The following TNFRSF14 variants were observed in gnomAD, a reference collection of about 807,000 sequenced individuals.
The protein encoded by TNFRSF14 is tumor necrosis factor receptor superfamily member 14.
A neutral mutation model predicts 34.1 loss-of-function variants in TNFRSF14; 18 were observed. The observed-to-expected ratio is 0.53, with a 90% CI of 0.36 to 0.78. The LOEUF is 0.78. Ranked by LOEUF, TNFRSF14 falls within the 30% of genes least tolerant of loss-of-function variation. TNFRSF14 has a pLI of 0.00. For synonymous variants in TNFRSF14, 157 were observed against 153.2 expected (o/e 1.02, Z -0.18); for missense variants, 352 against 379.5 (o/e 0.93, Z 0.60).
chr1:2,561,310 T>C lies in TNFRSF14; in HGVS notation c.552-363T>C, dbSNP rs1192437540. 3.3e-6 allele frequency: 2 copies of C among 606,974 alleles called. No homozygotes were observed. Among genetic ancestry groups the C allele is most frequent in the East Asian group, 5.6e-5 (2 of 35,434 alleles). The allele number at this position is 606,974 out of a possible 1,614,324, so 37.6% of individuals were successfully genotyped here. A position where few individuals can be genotyped will look rare whatever the true frequency, so the allele number is the denominator to read the frequency against. ...TGTCCATCTCCAGCTCTAACCATTT[T>C]TGTCCCGACACTGGCTCTCCCTCTA... is the stretch of plus-strand genomic sequence containing the variant. On this transcript the variant is annotated intron_variant, in intron 5 of 7. Coordinates refer to ENST00000355716, the MANE Select transcript of TNFRSF14 (RefSeq NM_003820.4). This position sits in a 1 kb window ranked among gnomAD's most constrained non-coding sequence, Gnocchi z 6.0.
chr1:2,554,988 AC>A (rs1021074722), upstream of TNFRSF14: 4 of 151,910 alleles, frequency 2.6e-5, no homozygotes, highest in Admixed American at 6.6e-5. This position sits in a 1 kb window ranked among gnomAD's most constrained non-coding sequence, Gnocchi z 4.2. Flanking sequence ...TCCTTGCAAG[AC>A]CCACATGGCT....
At chr1:2,557,856 G>T in intron 2 of TNFRSF14, 22 bp downstream of exon 2, 1 of 1,577,036 alleles carries the variant, frequency 6.3e-7, no homozygotes, top group Non-Finnish European at 8.7e-7. Flanking sequence ...CCTTTGGCGG[G>T]CCAGCTCTGT....
chr1:2,559,263 C>T (rs781668545), intron 3 of TNFRSF14: 3 of 1,367,982 alleles, frequency 2.2e-6, no homozygotes, highest in African/African-American at 2.9e-5. Flanking sequence ...AGTTCCATGC[C>T]CCTCCCCTCT....
rs759896022 is a variant in TNFRSF14 at position 2,559,854 on chromosome 1, C to T, written c.336C>T (p.Ser112=). 7 of 1,608,356 alleles carry T rather than the reference C, an allele frequency of 4.4e-6. No individual in the cohort carries two copies. The highest frequency in any genetic ancestry group is 1.3e-5 in the African/African-American group (1 of 74,884). The change falls in exon 4 of 8, where the codon TCC becomes TCT. Residue 112 remains serine (S), a synonymous_variant. Transcript: ENST00000355716. The part of the protein sequence containing the change: ...AMGLRASRNC[S]RTENAVCGCS... ...GCCTGCGCGCGAGCCGGAACTGCTCCAGGACAGAGAACGCCGTGTGTGGCT... is the reference window on the plus strand; with the variant it reads ...GCCTGCGCGCGAGCCGGAACTGCTCTAGGACAGAGAACGCCGTGTGTGGCT...
rs1464497694 is a variant in TNFRSF14 at position 2,560,481 on chromosome 1, C to T, written c.461-143C>T. ...CAGGCCCCACCTCCAAGACTCTGGACAGGGAGCCTGCCCCTCCCCGCTGGT... is the reference window on the plus strand; with the variant it reads ...CAGGCCCCACCTCCAAGACTCTGGATAGGGAGCCTGCCCCTCCCCGCTGGT... On this transcript the variant is annotated intron_variant, in intron 4 of 7. Coordinates refer to ENST00000355716, the MANE Select transcript of TNFRSF14 (RefSeq NM_003820.4). 4 of 624,554 alleles carry T rather than the reference C, an allele frequency of 6.4e-6. No individual in the cohort carries two copies. The Admixed American group carries it at 8.8e-5, about 14-fold the overall frequency. The allele number at this position is 624,554 out of a possible 1,614,324, so 38.7% of individuals were successfully genotyped here.
rs776125885 is a variant in TNFRSF14 at position 2,556,417 on chromosome 1, G to A, written c.-248G>A. ...TTTGCCTGGACAGCTCCTGCCTCCC[G>A]CAGGGCCCACCTGTGTCCCCCAGCG... is the stretch of plus-strand genomic sequence containing the variant. On this transcript the variant is annotated 5_prime_UTR_variant, in exon 1 of 8. Coordinates refer to ENST00000355716, the MANE Select transcript of TNFRSF14 (RefSeq NM_003820.4). The A allele has an allele frequency of 5.8e-6, 4 of 689,276 alleles. No individual in the cohort carries two copies. Among genetic ancestry groups the A allele is most frequent in the South Asian group, 1.5e-5 (1 of 66,612 alleles). 42.7% of individuals were successfully genotyped at this position (689,276 alleles called of 1,614,324 possible).
At position 2,556,738 on chromosome 1, in the gene TNFRSF14, GC is replaced by G; in HGVS notation, c.69+10del. 6.3e-7 allele frequency: 1 copy of G among 1,588,178 alleles called. No homozygotes were observed. Among genetic ancestry groups the G allele is most frequent in the Non-Finnish European group, 8.6e-7 (1 of 1,168,504 alleles). On this transcript the variant is annotated splice_donor_region_variant and intron_variant, in intron 1 of 7. Transcript: ENST00000355716. Reference sequence around the variant, plus strand: ...AAAACCGACGTCTTGAGGCTGGTGAGCCCCCGAGCCTCCTCTCCGTCTGCTC... The same window carrying G: ...AAAACCGACGTCTTGAGGCTGGTGAGCCCCGAGCCTCCTCTCCGTCTGCTC...
intron 3 of TNFRSF14, chr1:2,558,965 C>G: frequency 7.3e-7 from 1 of 1,366,470 alleles, no homozygotes; most frequent in Admixed American, 2.2e-5. Context: ...AAAGGGGAAC[C>G]AGACCCAGAG....
At position 2,556,629 on chromosome 1, in the gene TNFRSF14, A is replaced by T; in HGVS notation, c.-36A>T. 1.2e-6 allele frequency: 2 copies of T among 1,600,620 alleles called. No homozygotes were observed. The highest frequency in any genetic ancestry group is 1.7e-6 in the Non-Finnish European group (2 of 1,172,678). Reference sequence around the variant, plus strand: ...TTCCTCTGCTGGAGTTCATCCTGCTAGCTGGGTTCCCGAGCTGCCGGTCTG... The same window carrying T: ...TTCCTCTGCTGGAGTTCATCCTGCTTGCTGGGTTCCCGAGCTGCCGGTCTG... On this transcript the variant is annotated 5_prime_UTR_variant, in exon 1 of 8. Coordinates refer to ENST00000355716, the MANE Select transcript of TNFRSF14 (RefSeq NM_003820.4).
At position 2,563,394 on chromosome 1, in the gene TNFRSF14, C is replaced by T. The variant is rs1570595448; in HGVS notation, c.*121C>T. ...GGGGGCTCCGCCCTGGGCTGGCTTC[C>T]GTCTCCTCCAGTGGAGGGAGAGGTG... On this transcript the variant is annotated 3_prime_UTR_variant, in exon 8 of 8. Transcript: ENST00000355716. 15 of 1,498,732 alleles carry T rather than the reference C, an allele frequency of 1.0e-5. No individual in the cohort carries two copies. Among genetic ancestry groups the T allele is most frequent in the East Asian group, 4.6e-5 (2 of 43,822 alleles). The allele number at this position is 1,498,732 out of a possible 1,614,324, so 92.8% of individuals were successfully genotyped here.
chr1:2,557,662 C>G, intron 1 of TNFRSF14, 64 bp from the exon 2 acceptor site: 4 of 1,302,578 alleles, frequency 3.1e-6, no homozygotes, highest in Non-Finnish European at 4.2e-6. Flanking sequence ...GGCTGTGGGG[C>G]CAAGCCTGGC....
Position 2,563,441 on chromosome 1 carries a change from T to G in TNFRSF14, c.*168T>G. On this transcript the variant is annotated 3_prime_UTR_variant, in exon 8 of 8. Transcript: ENST00000355716. ...GGTGGGGCCCCTGCTGGGGTAGAGCTGGGGACGCCACGTGCCATTCCCATG... is the reference window on the plus strand; with the variant it reads ...GGTGGGGCCCCTGCTGGGGTAGAGCGGGGGACGCCACGTGCCATTCCCATG... The G allele has an allele frequency of 9.0e-7, 1 of 1,106,388 alleles. No homozygotes were observed. Among genetic ancestry groups the G allele is most frequent in the South Asian group, 1.6e-5 (1 of 62,414 alleles). 68.5% of individuals were successfully genotyped at this position (1,106,388 alleles called of 1,614,324 possible).
chr1:2,562,938 C>T (rs1039848543), intron 7 of TNFRSF14, 42 bp downstream of exon 7: 2 of 1,577,196 alleles, frequency 1.3e-6, no homozygotes, highest in Non-Finnish European at 8.7e-7. Context: ...CTCCACCTTC[C>T]CACCTCCCCT....
chr1:2,563,711 C>T lies in TNFRSF14; in HGVS notation c.*438C>T. ...CTGCAGTGTGGTGTTTAGTGGATAC[C>T]ACATCGGAAGTGATTTTCTAAATTG... is the stretch of plus-strand genomic sequence containing the variant. On this transcript the variant is annotated 3_prime_UTR_variant, in exon 8 of 8. Transcript: ENST00000355716. 4.1e-6 allele frequency: 1 copy of T among 246,872 alleles called. No homozygotes were observed. The highest frequency in any genetic ancestry group is 1.7e-4 in the South Asian group (1 of 6,000). The allele number at this position is 246,872 out of a possible 1,614,324, so 15.3% of individuals were successfully genotyped here.
At chr1:2,556,064 C>T (rs1644207132), upstream of TNFRSF14, 1 of 266,292 alleles carries the variant, frequency 3.8e-6, no homozygotes, top group African/African-American at 2.3e-5. Context: ...CCCACCCCCT[C>T]ACGCAGGGAC....
intron 3 of TNFRSF14, chr1:2,559,161 G>A: frequency 1.5e-6 from 2 of 1,365,400 alleles, no homozygotes; most frequent in Non-Finnish European, 1.9e-6. Flanking sequence ...AGGGCAGGTG[G>A]GCTAGCCATG....
At chr1:2,562,140 C>T (rs145979355) in intron 6 of TNFRSF14, 2 of 409,672 alleles carry the variant, frequency 4.9e-6, no homozygotes, top group Non-Finnish European at 8.8e-6. Context: ...GGGAGAAGCT[C>T]TGGGCTGAGG....
Position 2,562,897 on chromosome 1 carries a change from G to T in TNFRSF14, c.726+1G>T. 1 of 1,613,758 alleles carries T rather than the reference G, an allele frequency of 6.2e-7. No individual in the cohort carries two copies. Among genetic ancestry groups the T allele is most frequent in the African/African-American group, 1.3e-5 (1 of 74,988 alleles). On this transcript the variant is annotated splice_donor_variant, in intron 7 of 7. Transcript: ENST00000355716. LOFTEE classifies it high-confidence loss of function. ...AGTCAAGGTGATCGTCTCCGTCCAG[G>T]TATTGATCCTCCTCCCCCTCTCCCT...
intron 4 of TNFRSF14, 104 bp downstream of exon 4, chr1:2,560,082 C>G (rs927754516): frequency 1.2e-4 from 169 of 1,424,970 alleles, no homozygotes; most frequent in Non-Finnish European, 1.5e-4. Flanking sequence ...GCCCAGGGGC[C>G]CTGGTGAGAC....
Sources: gnomAD v4.1 joint callset for allele counts on GRCh38, gnomAD v4.1.1 for gene constraint, Gnocchi (gnomAD v3.1) non-coding constraint, MANE v1.5 for transcripts, NCBI Gene and HGNC (gene_info 2026-07-23, HGNC 2026-07-21) for gene names.